The following IQGAP3 variants were observed in gnomAD, a reference collection of about 807,000 sequenced individuals.
IQGAP3 encodes the protein ras GTPase-activating-like protein IQGAP3.
A neutral mutation model predicts 208.2 loss-of-function variants in IQGAP3; 165 were observed. The observed-to-expected ratio is 0.79, with a 90% CI of 0.70 to 0.90. The LOEUF (loss-of-function observed/expected upper bound fraction) is 0.90. Among genes scored for constraint, IQGAP3 ranks in the 40% least tolerant of loss-of-function variants. The pLI is 0.00. For missense variants in IQGAP3, 1,811 were observed against 2,043.1 expected (o/e 0.89, Z 2.19); for synonymous variants, 703 against 803.6 (o/e 0.87, Z 2.12).
intron 15 of IQGAP3, among the ~76,000 whole-genome samples, chr1:156,551,185 G>A (rs1038115010): frequency 1.3e-5 from 2 of 152,148 alleles, no homozygotes; most frequent in African/African-American, 4.8e-5. Flanking sequence ...CAAGCTTCTA[G>A]GTGATGAAAC....
rs764537559 is a variant in IQGAP3 at position 156,530,236 on chromosome 1, G to A, written c.4273C>T (p.Leu1425=). 65 of 1,613,092 alleles carry A rather than the reference G, an allele frequency of 4.0e-5. No homozygotes were observed. In the East Asian group the frequency reaches 1.4e-3, roughly 34 times the overall value. ...TPEPLRRHRS[L]TAHSLLPLAE... ...AGTGGCAGGAGGGAGTGAGCTGTCAGTGAGCGGTGTCGTCGCAGTGGCTCC... is the reference window on the plus strand; with the variant it reads ...AGTGGCAGGAGGGAGTGAGCTGTCAATGAGCGGTGTCGTCGCAGTGGCTCC... The change falls in exon 34 of 38, where the codon CTG becomes TTG. Residue 1425 remains leucine, a synonymous_variant. Coordinates refer to ENST00000361170, the MANE Select transcript of IQGAP3 (RefSeq NM_178229.5).
Position 156,556,598 on chromosome 1 carries a change from G to C in IQGAP3, c.1225C>G (p.Pro409Ala), listed in dbSNP as rs1675831297. ...ATAGACGATGCAACAGGGTACACTG[G>C]AGGCAGCTGGGCCTCAGGGCACATC... ...ELMCPEAQLP[P>A]VYPVASSMYQ... is the part of the protein sequence containing the mutation. The change falls in exon 12 of 38, where the codon CCA (proline) becomes GCA (alanine). Residue 409 changes from proline to alanine, a missense_variant. Coordinates refer to ENST00000361170, the MANE Select transcript of IQGAP3 (RefSeq NM_178229.5). 1 of 1,613,252 alleles carries C rather than the reference G, an allele frequency of 6.2e-7. No individual in the cohort carries two copies. The highest frequency in any genetic ancestry group is 8.5e-7 in the Non-Finnish European group (1 of 1,179,504).
rs1676400693 is a variant in IQGAP3 at position 156,566,417 on chromosome 1, G to T, written c.255C>A (p.Ile85=). The part of the protein sequence containing the change: ...FAPSVVPLKK[I]YDVEQLRYQA... ...GGTACCGCAGCTGCTCCACATCGTA[G>T]ATCTTCTTCAAGGGAACCACGGAGG... is the stretch of plus-strand genomic sequence containing the variant. Residue 85 remains isoleucine, a synonymous_variant, in exon 3 of 38, where the codon ATC becomes ATA. Coordinates refer to ENST00000361170, the MANE Select transcript of IQGAP3 (RefSeq NM_178229.5). 1 of 1,614,066 alleles carries T rather than the reference G, an allele frequency of 6.2e-7. No individual in the cohort carries two copies. Among genetic ancestry groups the T allele is most frequent in the Admixed American group, 1.7e-5 (1 of 60,004 alleles).
chr1:156,530,028 C>G lies in IQGAP3; in HGVS notation c.4404+77G>C. The G allele has an allele frequency of 2.4e-6, 3 of 1,225,756 alleles. No homozygotes were observed. In the African/African-American group the frequency reaches 4.5e-5, roughly 18 times the overall value. 75.9% of individuals were successfully genotyped at this position (1,225,756 alleles called of 1,614,324 possible). ...ACTCATCAGGAGGGGCCCACCAACACTATGGATTAACATGTATATGCACGC... is the reference window on the plus strand; with the variant it reads ...ACTCATCAGGAGGGGCCCACCAACAGTATGGATTAACATGTATATGCACGC... On this transcript the variant is annotated intron_variant, in intron 34 of 37. Coordinates refer to ENST00000361170, the MANE Select transcript of IQGAP3 (RefSeq NM_178229.5).
At chr1:156,553,355 A>G (rs1675655743) in intron 13 of IQGAP3, among the ~76,000 whole-genome samples, 1 of 152,002 alleles carries the variant, frequency 6.6e-6, no homozygotes. Context: ...TGGCTTCCTG[A>G]TGTTCTTTGA....
intron 19 of IQGAP3, among the ~76,000 whole-genome samples, chr1:156,545,499 C>CTG (rs1200262305): frequency 8.5e-6 from 1 of 117,400 alleles, no homozygotes; most frequent in Non-Finnish European, 1.6e-5. Context: ...GAAATACTTC[C>CTG]TGTCTTTTTT....
At chr1:156,529,748 G>A (rs531858092) in intron 34 of IQGAP3, among the ~76,000 whole-genome samples, 13 of 151,700 alleles carry the variant, frequency 8.6e-5, no homozygotes, top group African/African-American at 2.9e-4. Flanking sequence ...GCCTGAAACC[G>A]TGTCTCTACT....
chr1:156,526,710 G>A (rs1176804053), intron 37 of IQGAP3, 111 bp from the exon 38 acceptor site: 1 of 700,834 alleles, frequency 1.4e-6, no homozygotes, highest in Non-Finnish European at 2.6e-6. Context: ...CAGTGGCACT[G>A]GCCACTGAAG....
At chr1:156,544,541 A>T in intron 19 of IQGAP3, 69 bp from the exon 20 acceptor site, 1 of 1,353,672 alleles carries the variant, frequency 7.4e-7, no homozygotes, top group Non-Finnish European at 1.1e-6. Flanking sequence ...TTTTAAGAAA[A>T]TCTTTGTCCT....
intron 30 of IQGAP3, 33 bp downstream of exon 30, chr1:156,533,976 C>T (rs781606454): frequency 6.2e-7 from 1 of 1,611,564 alleles, no homozygotes; most frequent in South Asian, 1.1e-5. Context: ...CCTTGCCCAC[C>T]CAGCCAACAC....
At chr1:156,546,516 A>G (rs1675251327) in intron 19 of IQGAP3, among the ~76,000 whole-genome samples, 1 of 152,222 alleles carries the variant, frequency 6.6e-6, no homozygotes, top group Admixed American at 6.5e-5. Context: ...CACTAAATAC[A>G]GATCACTAAA....
Position 156,561,808 on chromosome 1 carries a change from G to A in IQGAP3, c.1041+30C>T. The A allele has an allele frequency of 1.9e-6, 3 of 1,609,464 alleles. No individual in the cohort carries two copies. The South Asian group carries it at 3.3e-5, about 18-fold the overall frequency. On this transcript the variant is annotated intron_variant, in intron 10 of 37. Transcript: ENST00000361170. ...CTCTCCTATCCTATAGTCACATACAGGGGGTGGCAGGTAATAGACAGAGGC... is the reference window on the plus strand; with the variant it reads ...CTCTCCTATCCTATAGTCACATACAAGGGGTGGCAGGTAATAGACAGAGGC...
chr1:156,527,489 C>A (rs998902841), intron 37 of IQGAP3, among the ~76,000 whole-genome samples: 6 of 152,018 alleles, frequency 3.9e-5, no homozygotes, highest in Non-Finnish European at 7.4e-5. Flanking sequence ...AGAAAACAAA[C>A]AAACAAAAAC....
chr1:156,549,244 T>C (rs1378497796), intron 16 of IQGAP3, among the ~76,000 whole-genome samples: 1 of 152,184 alleles, frequency 6.6e-6, no homozygotes, highest in Non-Finnish European at 1.5e-5. Context: ...GCAGATCACC[T>C]GAGGTCAGGA....
Position 156,534,220 on chromosome 1 carries a change from C to T in IQGAP3, c.3741-79G>A, listed in dbSNP as rs923348918. 39 of 1,594,950 alleles carry T rather than the reference C, an allele frequency of 2.4e-5. No individual in the cohort carries two copies. In the African/African-American group the frequency reaches 4.5e-4, roughly 19 times the overall value. On this transcript the variant is annotated intron_variant, in intron 29 of 37. Coordinates refer to ENST00000361170, the MANE Select transcript of IQGAP3 (RefSeq NM_178229.5). ...CTTCTGTCCCCATCATTTCCCCAGCCTTCTCCAGTGATTGCTCAGGCCAAT... is the reference window on the plus strand; with the variant it reads ...CTTCTGTCCCCATCATTTCCCCAGCTTTCTCCAGTGATTGCTCAGGCCAAT...
At chr1:156,530,407 G>A in intron 33 of IQGAP3, 90 bp from the exon 34 acceptor site, 1 of 1,105,730 alleles carries the variant, frequency 9.0e-7, no homozygotes, top group Non-Finnish European at 1.3e-6. Context: ...AGCAACAAAG[G>A]GAGGCCTGAG....
chr1:156,539,976 G>A lies in IQGAP3; in HGVS notation c.2754C>T (p.His918=). 1.2e-6 allele frequency: 2 copies of A among 1,614,130 alleles called. No individual in the cohort carries two copies. Among genetic ancestry groups the A allele is most frequent in the South Asian group, 1.1e-5 (1 of 91,082 alleles). The change falls in exon 24 of 38, where the codon CAC becomes CAT. Residue 918 remains histidine, a synonymous_variant. Transcript: ENST00000361170. ...TATTCCTCTTGGTCAGCTTCTTGCAGTGGGAGACCACTTCCTGCAGGGGTG... is the reference window on the plus strand; with the variant it reads ...TATTCCTCTTGGTCAGCTTCTTGCAATGGGAGACCACTTCCTGCAGGGGTG... ...NRITLQEVVS[H]CKKLTKRNKE... is the part of the protein sequence containing the mutation.
At position 156,550,257 on chromosome 1, in the gene IQGAP3, T is replaced by C. The variant is rs1675483411; in HGVS notation, c.1825+4A>G. ...TCCCAGGGTCCCCCAACCAGTCCATTTACTTCTCTGAGCTGTATTAGTGTC... is the reference window on the plus strand; with the variant it reads ...TCCCAGGGTCCCCCAACCAGTCCATCTACTTCTCTGAGCTGTATTAGTGTC... On this transcript the variant is annotated splice_donor_region_variant and intron_variant, in intron 16 of 37. Transcript: ENST00000361170. 7.5e-6 allele frequency: 12 copies of C among 1,607,796 alleles called. No individual in the cohort carries two copies. In the South Asian group the frequency reaches 1.3e-4, roughly 18 times the overall value.
In IQGAP3 at chr1:156,567,706, C is replaced by A. The variant is rs1209479772; in HGVS notation, c.126-1160G>T. On this transcript the variant is annotated intron_variant, in intron 2 of 37. Coordinates refer to ENST00000361170, the MANE Select transcript of IQGAP3 (RefSeq NM_178229.5). ...ACCTGATTTTTCCTGATTGCCCCAT[C>A]CTCCTGACTCCTTTAAGAACATTAA... Among the ~76,000 whole-genome samples, 4 of 10,882 alleles carry A rather than the reference C, an allele frequency of 3.7e-4. No homozygotes were observed. In the East Asian group the frequency reaches 0.18, roughly 495 times the overall value. 7.1% of individuals were successfully genotyped at this position (10,882 alleles called of 152,430 possible).
Sources: allele counts gnomAD v4.1 joint callset (sites outside exome capture counted in the v4.1 genomes callset), GRCh38; gene constraint gnomAD v4.1.1; transcripts MANE v1.5; gene names NCBI Gene and HGNC (gene_info 2026-07-23, HGNC 2026-07-21).